Variants in MON2 observed in about 807,000 individuals in gnomAD.
The protein encoded by MON2 is MON2 regulator of endosome-to-Golgi trafficking.
In MON2, 84 loss-of-function variants were observed where a neutral mutation model predicts 208.6. The ratio of observed to expected loss-of-function variants is 0.40; its 90% CI spans 0.34 to 0.48. The LOEUF (loss-of-function observed/expected upper bound fraction) is 0.48, where lower values mean the gene tolerates loss of function less well. Ranked by LOEUF, MON2 falls within the 20% of genes least tolerant of loss-of-function variation. The probability of loss-of-function intolerance (pLI) is 0.59; values close to 1 mark genes in which losing one functional copy is unlikely to be tolerated. For missense variants in MON2, 1,611 were observed against 2,015.4 expected (o/e 0.80, Z 3.84); for synonymous variants, 660 against 694.0 (o/e 0.95, Z 0.77).
At chr12:62,546,813 T>C in intron 21 of MON2, 84 bp from the exon 22 acceptor site, 3 of 1,033,468 alleles carry the variant, frequency 2.9e-6, no homozygotes, top group Non-Finnish European at 4.2e-6. Flanking sequence ...TGAATGGCGA[T>C]GAATTTAAAC....
chr12:62,589,980 G>A (rs2075344970), intron 34 of MON2, among the ~76,000 whole-genome samples: 1 of 152,156 alleles, frequency 6.6e-6, no homozygotes. Flanking sequence ...TAACATTTTA[G>A]AAAGCTGTGG....
chr12:62,517,053 A>G (rs2071736987), intron 8 of MON2, among the ~76,000 whole-genome samples: 1 of 152,232 alleles, frequency 6.6e-6, no homozygotes, highest in African/African-American at 2.4e-5. Flanking sequence ...TGGCCAGGTC[A>G]TATGGTGGTC....
intron 24 of MON2, 105 bp from the exon 25 acceptor site, chr12:62,555,889 G>A (rs2073949316): frequency 5.0e-6 from 4 of 806,060 alleles, no homozygotes; most frequent in Non-Finnish European, 8.0e-6. Context: ...AGACTGTCAA[G>A]TATATTTTTT....
chr12:62,566,591 T>G, intron 29 of MON2, 141 bp downstream of exon 29: 1 of 933,964 alleles, frequency 1.1e-6, no homozygotes, highest in Middle Eastern at 3.5e-4. Context: ...TTCTCCAATA[T>G]TCATGAATTG....
intron 23 of MON2, among the ~76,000 whole-genome samples, chr12:62,551,158 G>T (rs4362191): frequency 0.039 from 5,980 of 152,070 alleles, 173 homozygotes; most frequent in Middle Eastern, 0.075. Context: ...TCACAACTTG[G>T]CTCACTGGCA....
At chr12:62,533,114 A>C (rs2072737164) in intron 12 of MON2, among the ~76,000 whole-genome samples, 1 of 152,096 alleles carries the variant, frequency 6.6e-6, no homozygotes, top group Non-Finnish European at 1.5e-5. Flanking sequence ...TACTTTTTTG[A>C]GTACAAGTCA....
At chr12:62,539,473 T>C (rs2073134197) in intron 19 of MON2, among the ~76,000 whole-genome samples, 1 of 151,836 alleles carries the variant, frequency 6.6e-6, no homozygotes, top group African/African-American at 2.4e-5. Context: ...TTCACTGTGT[T>C]AGCCAGGATG....
chr12:62,583,095 G>T (rs1265035194), intron 32 of MON2, among the ~76,000 whole-genome samples: 1 of 152,186 alleles, frequency 6.6e-6, no homozygotes, highest in Non-Finnish European at 1.5e-5. Flanking sequence ...CATTTGGGAG[G>T]CCGAGGCAGG....
intron 8 of MON2, among the ~76,000 whole-genome samples, chr12:62,515,166 T>C (rs2071622082): frequency 6.6e-6 from 1 of 152,222 alleles, no homozygotes; most frequent in South Asian, 2.1e-4. Context: ...AAAGTGTGAT[T>C]TGAAAGAAAT....
chr12:62,493,794 G>T, intron 2 of MON2, 121 bp from the exon 3 acceptor site: 1 of 694,872 alleles, frequency 1.4e-6, no homozygotes. Context: ...TTGTTTTGGT[G>T]TTTATTTTAC....
chr12:62,590,193 C>T (rs967888582), intron 34 of MON2, among the ~76,000 whole-genome samples: 8 of 152,056 alleles, frequency 5.3e-5, no homozygotes, highest in Non-Finnish European at 8.8e-5. Flanking sequence ...TGGGCTCAAG[C>T]GATCCTCCCG....
Position 62,557,962 on chromosome 12 carries a change from A to ATT in MON2, c.3409+1798_3409+1799dup, listed in dbSNP as rs869193690. Among the ~76,000 whole-genome samples, 26 of 20,872 alleles carry ATT rather than the reference A, an allele frequency of 1.2e-3. 3 individuals are homozygous for ATT. In the East Asian group the frequency reaches 0.014, roughly 11 times the overall value. 13.7% of individuals were successfully genotyped at this position (20,872 alleles called of 152,430 possible). A position where few individuals can be genotyped will look rare whatever the true frequency, so the allele number is the denominator to read the frequency against. ...TATATATATATATATATATATATAT[A>ATT]TTTTTTTTTTTTTTTTTTTTTTTTT... is the stretch of plus-strand genomic sequence containing the variant. On this transcript the variant is annotated intron_variant, in intron 25 of 34. Coordinates refer to ENST00000393630, the MANE Select transcript of MON2 (RefSeq NM_015026.3).
In MON2 at chr12:62,467,213, C is replaced by T. The variant is rs772578972; in HGVS notation, c.6C>T (p.Ser2=). ...GGCTGGGACCTTGGAGGATCATGTCCGGCACCAGCAGCCCCGAGGCGGTGA... is the reference window on the plus strand; with the variant it reads ...GGCTGGGACCTTGGAGGATCATGTCTGGCACCAGCAGCCCCGAGGCGGTGA... The part of the protein sequence containing the change: M[S]GTSSPEAVKK... The change falls in exon 1 of 35, where the codon TCC becomes TCT. Residue 2 remains serine, a synonymous_variant. Coordinates refer to ENST00000393630, the MANE Select transcript of MON2 (RefSeq NM_015026.3). 1.9e-6 allele frequency: 3 copies of T among 1,612,226 alleles called. No individual in the cohort carries two copies. The highest frequency in any genetic ancestry group is 2.5e-6 in the Non-Finnish European group (3 of 1,179,886).
chr12:62,484,173 G>A lies in MON2; in HGVS notation c.115G>A (p.Ala39Thr). 6.3e-7 allele frequency: 1 copy of A among 1,592,632 alleles called. No individual in the cohort carries two copies. Among genetic ancestry groups the A allele is most frequent in the Non-Finnish European group, 8.6e-7 (1 of 1,169,572 alleles). ...CTAATTATTTTTATTCTTGCAGGCT[G>A]CTGAATCAGGAATAATAAAAGTTAA... Reference protein sequence around the residue: ...KKKFPPVKEAAESGIIKVKTI... With the variant: ...KKKFPPVKEATESGIIKVKTI... Residue 39 changes from alanine to threonine, a missense_variant, in exon 2 of 35, where the codon GCT becomes ACT. Transcript: ENST00000393630.
intron 25 of MON2, chr12:62,560,136 T>TG (rs2074142538): frequency 6.1e-6 from 1 of 164,584 alleles, no homozygotes; most frequent in South Asian, 1.9e-4. Flanking sequence ...CAGTAGCTTT[T>TG]GGGGTACAAG....
intron 4 of MON2, among the ~76,000 whole-genome samples, chr12:62,495,607 G>A (rs556325282): frequency 4.5e-4 from 68 of 150,630 alleles, no homozygotes; most frequent in Non-Finnish European, 6.8e-4. Context: ...GGAGAATGGC[G>A]TGAACTCAGG....
chr12:62,535,409 G>T, intron 13 of MON2, 116 bp from the exon 14 acceptor site: 1 of 791,920 alleles, frequency 1.3e-6, no homozygotes, highest in East Asian at 2.8e-5. Flanking sequence ...GTAATATTTT[G>T]ACAATATTTT....
intron 2 of MON2, among the ~76,000 whole-genome samples, chr12:62,487,448 T>G (rs971869115): frequency 3.0e-4 from 46 of 152,180 alleles, no homozygotes; most frequent in African/African-American, 1.1e-3. Context: ...CCGTAGTGGT[T>G]ACATCTACCT....
At chr12:62,493,859 C>T in intron 2 of MON2, 56 bp from the exon 3 acceptor site, 2 of 1,246,726 alleles carry the variant, frequency 1.6e-6, no homozygotes, top group African/African-American at 1.5e-5. Flanking sequence ...TATAAAAATG[C>T]ATTCTTAATT....
Sources: allele counts gnomAD v4.1 joint callset (sites outside exome capture counted in the v4.1 genomes callset), GRCh38; gene constraint gnomAD v4.1.1; transcripts MANE v1.5; gene names NCBI Gene and HGNC (gene_info 2026-07-23, HGNC 2026-07-21).